Variants in SFXN5 observed in about 807,000 individuals in gnomAD.
SFXN5 encodes sideroflexin-5.
Under a neutral mutation model 50.2 loss-of-function variants are expected in SFXN5, and 43 were observed. The ratio of observed to expected loss-of-function variants is 0.86; its 90% confidence interval spans 0.67 to 1.11. SFXN5 has a LOEUF of 1.11. Among genes scored for constraint, SFXN5 ranks in the 50% least tolerant of loss-of-function variants. The pLI is 0.00. For missense variants in SFXN5, 463 were observed against 454.1 expected, an observed-to-expected ratio of 1.02 and a Z score of -0.18; for synonymous variants, 203 against 185.8, an observed-to-expected ratio of 1.09 and a Z score of -0.75.
At chr2:72,993,717 T>C (rs986490650) in intron 9 of SFXN5, among the ~76,000 whole-genome samples, 6 of 151,960 alleles carry the variant, frequency 3.9e-5, no homozygotes, top group African/African-American at 1.2e-4. Flanking sequence ...AGCAAGACAA[T>C]AGTCTGGTCC....
chr2:72,997,583 T>G (rs1673397792), intron 9 of SFXN5: 1 of 151,458 alleles, frequency 6.6e-6, no homozygotes, highest in African/African-American at 2.4e-5. Context: ...AATTTTTTAT[T>G]ATTTATTTAT....
intron 3 of SFXN5, among the ~76,000 whole-genome samples, chr2:73,028,405 C>T (rs185211736): frequency 3.5e-4 from 54 of 152,338 alleles, no homozygotes; most frequent in Admixed American, 3.2e-3. Flanking sequence ...ACCCTCCACT[C>T]CTGTCAGAGG....
intron 8 of SFXN5, 107 bp downstream of exon 8, chr2:73,000,324 G>T (rs1673743216): frequency 1.8e-6 from 2 of 1,109,310 alleles, no homozygotes; most frequent in Admixed American, 4.5e-5. Context: ...GGAGGGCCAT[G>T]CTTAACCAAG....
At chr2:73,016,753 G>A (rs994943810) in intron 6 of SFXN5, among the ~76,000 whole-genome samples, 3 of 152,096 alleles carry the variant, frequency 2.0e-5, no homozygotes, top group Non-Finnish European at 4.4e-5. Context: ...GATATACTGA[G>A]CGAAAAAAAC....
chr2:72,999,335 C>T (rs546545950), intron 8 of SFXN5, among the ~76,000 whole-genome samples: 1 of 152,106 alleles, frequency 6.6e-6, no homozygotes, highest in African/African-American at 2.4e-5. Flanking sequence ...CTGGGGCAAG[C>T]AGTCTTCAGT....
intron 10 of SFXN5, among the ~76,000 whole-genome samples, chr2:72,975,324 G>T (rs2105480027): frequency 6.6e-6 from 1 of 152,296 alleles, no homozygotes; most frequent in East Asian, 1.9e-4. Flanking sequence ...TTCTCCAAAA[G>T]AAGATCATGG....
intron 12 of SFXN5, among the ~76,000 whole-genome samples, chr2:72,967,881 A>G (rs1183187333): frequency 6.6e-6 from 1 of 152,068 alleles, no homozygotes; most frequent in East Asian, 1.9e-4. Flanking sequence ...TACTGTTACT[A>G]TGCTCCCTCA....
At chr2:73,050,920 G>A (rs1681232165) in intron 2 of SFXN5, among the ~76,000 whole-genome samples, 1 of 152,180 alleles carries the variant, frequency 6.6e-6, no homozygotes, top group South Asian at 2.1e-4. Context: ...ACTATAAGCA[G>A]TTAAGAGAAG....
intron 3 of SFXN5, among the ~76,000 whole-genome samples, chr2:73,036,552 C>A (rs929976872): frequency 6.6e-6 from 1 of 152,162 alleles, no homozygotes; most frequent in Admixed American, 6.5e-5. Context: ...TGGGGGCTTT[C>A]AGGACAGAAA....
At chr2:73,071,457 C>T (rs951883794) in intron 1 of SFXN5, 147 bp downstream of exon 1, 2 of 687,452 alleles carry the variant, frequency 2.9e-6, no homozygotes, top group Non-Finnish European at 4.8e-6. Context: ...AAAAGGGTGA[C>T]TGTGACCGAG....
intron 12 of SFXN5, among the ~76,000 whole-genome samples, chr2:72,962,072 G>A (rs1673810585): frequency 6.6e-6 from 1 of 152,230 alleles, no homozygotes; most frequent in South Asian, 2.1e-4. Flanking sequence ...TGGCCAATGT[G>A]CCTGCACTGT....
intron 2 of SFXN5, among the ~76,000 whole-genome samples, chr2:73,048,867 T>C (rs1407322560): frequency 6.6e-6 from 1 of 152,254 alleles, no homozygotes; most frequent in Non-Finnish European, 1.5e-5. Flanking sequence ...ATTATAAAGG[T>C]ACCCTTTCTT....
At chr2:73,013,311 G>T (rs185763431) in intron 6 of SFXN5, among the ~76,000 whole-genome samples, 1 of 151,690 alleles carries the variant, frequency 6.6e-6, no homozygotes, top group African/African-American at 2.4e-5. Flanking sequence ...AAAGGTACAG[G>T]CAATGATATA....
chr2:73,063,912 C>T (rs1168135188), intron 1 of SFXN5, among the ~76,000 whole-genome samples: 3 of 152,228 alleles, frequency 2.0e-5, no homozygotes, highest in Non-Finnish European at 4.4e-5. Flanking sequence ...TAGCCTCCCT[C>T]CCAAATTCAG....
In SFXN5 at chr2:72,988,923, C is replaced by T. The variant is rs111370178; in HGVS notation, c.535-575G>A. ...GCGGATGTCCTGGACTCACTGTCATCGCCTTCATACCTGTCACCTGGCCCA... is the reference window on the plus strand; with the variant it reads ...GCGGATGTCCTGGACTCACTGTCATTGCCTTCATACCTGTCACCTGGCCCA... On this transcript the variant is annotated intron_variant, in intron 9 of 13. Coordinates refer to ENST00000272433, the MANE Select transcript of SFXN5 (RefSeq NM_144579.3). Among the ~76,000 whole-genome samples the T allele has an allele frequency of 5.1e-4, 77 of 152,272 alleles. 1 individual carries two copies. The highest frequency in any genetic ancestry group is 1.7e-3 in the African/African-American group (69 of 41,546).
At chr2:72,979,816 A>G (rs1671075124) in intron 10 of SFXN5, among the ~76,000 whole-genome samples, 1 of 152,228 alleles carries the variant, frequency 6.6e-6, no homozygotes, top group Admixed American at 6.5e-5. Context: ...ATTAAGTTAC[A>G]TTTATATAGA....
At chr2:72,959,715 T>G (rs1673497067) in intron 13 of SFXN5, among the ~76,000 whole-genome samples, 1 of 151,960 alleles carries the variant, frequency 6.6e-6, no homozygotes, top group Non-Finnish European at 1.5e-5. Context: ...TCCCCCCTCC[T>G]CTTCATAGAC....
intron 10 of SFXN5, among the ~76,000 whole-genome samples, chr2:72,981,894 A>G (rs1282868034): frequency 6.6e-6 from 1 of 152,126 alleles, no homozygotes. Flanking sequence ...GAGGTGATGG[A>G]AGGTGATTTA....
intron 9 of SFXN5, among the ~76,000 whole-genome samples, chr2:72,995,542 G>A (rs1673120653): frequency 6.6e-6 from 1 of 152,190 alleles, no homozygotes; most frequent in Admixed American, 6.5e-5. Context: ...GAGGAGGCTG[G>A]CCTCCACTCC....
Sources: gnomAD v4.1 joint callset for allele counts (sites outside exome capture counted in the v4.1 genomes callset) on GRCh38, gnomAD v4.1.1 for gene constraint, MANE v1.5 for transcripts, NCBI Gene and HGNC (gene_info 2026-07-23, HGNC 2026-07-21) for gene names.